KDR: variants seen among roughly 807,000 people sequenced by gnomAD.
The protein encoded by KDR is kinase insert domain receptor.
In KDR, 43 loss-of-function variants were observed where a neutral mutation model predicts 160.9. That is an observed-to-expected ratio of 0.27 (90% CI 0.21 to 0.34). KDR has a LOEUF of 0.34. KDR is among the 10% of genes least tolerant of loss of function. The probability of loss-of-function intolerance (pLI) is 1.00; values close to 1 mark genes in which losing one functional copy is unlikely to be tolerated. For missense variants in KDR, 1,469 were observed against 1,666.4 expected, an observed-to-expected ratio of 0.88 and a Z score of 2.06; for synonymous variants, 617 against 600.1, an observed-to-expected ratio of 1.03 and a Z score of -0.41.
intron 5 of KDR, 40 bp downstream of exon 5, chr4:55,114,834 G>T (rs769188055): frequency 2.0e-6 from 3 of 1,490,766 alleles, no homozygotes; most frequent in East Asian, 2.3e-5. Context: ...TTAATACAAG[G>T]ATATGTTATT....
intron 12 of KDR, 125 bp downstream of exon 12, chr4:55,105,707 C>A: frequency 1.3e-6 from 1 of 772,502 alleles, no homozygotes; most frequent in Non-Finnish European, 2.4e-6. Context: ...CATCAATGAT[C>A]AATCCAAGTC....
rs768355460 is a variant in KDR, at chr4:55,078,920, G to A, written c.*1021C>T. On this transcript the variant is annotated 3_prime_UTR_variant, in exon 30 of 30. Coordinates refer to ENST00000263923, the MANE Select transcript of KDR (RefSeq NM_002253.4). ...AATAACTAAAATACTGATGGGTTGC[G>A]GGGTGAGAGTGGGTTGGGGACAGGG... 9 of 233,236 alleles carry A rather than the reference G, an allele frequency of 3.9e-5. No homozygotes were observed. Among genetic ancestry groups the A allele is most frequent in the African/African-American group, 1.3e-4 (6 of 45,428 alleles). The allele number at this position is 233,236 out of a possible 1,614,324, so 14.4% of individuals were successfully genotyped here. A position where few individuals can be genotyped will look rare whatever the true frequency, so the allele number is the denominator to read the frequency against.
At chr4:55,114,319 C>T (rs1720679317) in intron 5 of KDR, 54 bp from the exon 6 acceptor site, 1 of 1,574,350 alleles carries the variant, frequency 6.4e-7, no homozygotes, top group Non-Finnish European at 8.7e-7. Flanking sequence ...AAGCCTATAA[C>T]TTTGCACAGA....
Position 55,080,119 on chromosome 4 carries a change from C to A in KDR, c.3893G>T (p.Gly1298Val), listed in dbSNP as rs751241917. The change falls in exon 30 of 30, where the codon GGC becomes GTC. Residue 1298 changes from glycine (G) to valine (V), a missense_variant. Physicochemically the swap from Gly to Val is moderately radical, Grantham distance 109. This residue lies in a region of KDR where 229 missense variants were observed against 197.8 expected (regional missense o/e 1.16). Coordinates refer to ENST00000263923, the MANE Select transcript of KDR (RefSeq NM_002253.4). ...SKSRESVASEGSNQTSGYQSG... is the reference protein window; with the variant it reads ...SKSRESVASEVSNQTSGYQSG... Reference sequence around the variant, plus strand: ...CTGGTAGCCGCTTGTCTGGTTTGAGCCTTCAGATGCCACAGACTCCCTGCT... The same window carrying A: ...CTGGTAGCCGCTTGTCTGGTTTGAGACTTCAGATGCCACAGACTCCCTGCT... 1 of 1,613,872 alleles carries A rather than the reference C, an allele frequency of 6.2e-7. No homozygotes were observed. Among genetic ancestry groups the A allele is most frequent in the Non-Finnish European group, 8.5e-7 (1 of 1,180,028 alleles).
chr4:55,096,118 A>G (rs1399920072), intron 19 of KDR, 111 bp downstream of exon 19: 2 of 692,208 alleles, frequency 2.9e-6, no homozygotes, highest in Non-Finnish European at 2.6e-6. Flanking sequence ...GGAATCCGCA[A>G]AGTATTCTAA....
chr4:55,111,616 C>A (rs145956485), intron 7 of KDR, among the ~76,000 whole-genome samples: 91 of 152,332 alleles, frequency 6.0e-4, no homozygotes, highest in African/African-American at 2.2e-3. Flanking sequence ...GCCCCTATTT[C>A]CCTGAAGTAT....
intron 29 of KDR, among the ~76,000 whole-genome samples, chr4:55,081,416 G>A (rs1252100208): frequency 6.6e-6 from 1 of 152,040 alleles, no homozygotes; most frequent in Non-Finnish European, 1.5e-5. Flanking sequence ...ACGTATTCAA[G>A]ACACCTACAA....
At chr4:55,123,149 A>G (rs1720938648) in intron 1 of KDR, among the ~76,000 whole-genome samples, 1 of 152,210 alleles carries the variant, frequency 6.6e-6, no homozygotes, top group Non-Finnish European at 1.5e-5. Flanking sequence ...TAAAAGCAAA[A>G]TGAAACCTGG....
In KDR at chr4:55,114,858, G is replaced by A. The variant is rs1161551427; in HGVS notation, c.658+16C>T. On this transcript the variant is annotated intron_variant, in intron 5 of 29. Transcript: ENST00000263923. ...GGATATGTTATTAATGATATGGAAA[G>A]GAAATGTCCTCTTACCTACAACGAC... The A allele has an allele frequency of 6.9e-6, 11 of 1,593,118 alleles. No individual in the cohort carries two copies. Among genetic ancestry groups the A allele is most frequent in the Non-Finnish European group, 9.5e-6 (11 of 1,161,020 alleles).
intron 27 of KDR, 72 bp from the exon 28 acceptor site, chr4:55,082,707 T>C: frequency 9.1e-7 from 1 of 1,100,666 alleles, no homozygotes; most frequent in Non-Finnish European, 1.4e-6. Context: ...AAGTTCATTA[T>C]CTTTCAACCA....
chr4:55,120,782 C>T (rs1014386482), intron 2 of KDR, among the ~76,000 whole-genome samples: 1 of 151,772 alleles, frequency 6.6e-6, no homozygotes, highest in African/African-American at 2.4e-5. Flanking sequence ...ATTTATTGAG[C>T]GTATGTCTAC....
rs1720111029 is a variant in KDR, at chr4:55,094,875, G to C, written c.2898C>G (p.Ile966Met). ...AGCTGGCTGAGCTCTGGCTACTGGT[G>C]ATGCTGTCCAAGCGCCGTTTCAGAT... ...PVDLKRRLDSITSSQSSASSG... is the reference protein window; with the variant it reads ...PVDLKRRLDSMTSSQSSASSG... Residue 966 changes from isoleucine to methionine, a missense_variant, in exon 21 of 30, where the codon ATC (isoleucine) becomes ATG (methionine). Around this residue, in one of 7 missense-constraint regions of KDR, gnomAD observed 151 missense variants for 207.2 expected, o/e 0.73. Transcript: ENST00000263923. The C allele has an allele frequency of 6.2e-7, 1 of 1,613,898 alleles. No homozygotes were observed. Among genetic ancestry groups the C allele is most frequent in the Non-Finnish European group, 8.5e-7 (1 of 1,179,832 alleles).
rs527660195 is a variant in KDR at position 55,091,709 on chromosome 4, G to A, written c.3069+908C>T. Among the ~76,000 whole-genome samples, 20 of 152,268 alleles carry A rather than the reference G, an allele frequency of 1.3e-4. No individual in the cohort carries two copies. The South Asian group carries it at 3.1e-3, about 24-fold the overall frequency. On this transcript the variant is annotated intron_variant, in intron 22 of 29. Coordinates refer to ENST00000263923, the MANE Select transcript of KDR (RefSeq NM_002253.4). ...ATTTAGGAAAAACAAAAAAAAATAT[G>A]ACTTAAGTCTTTCTTTCTTCATTAA...
rs1052043519 is a variant in KDR at position 55,089,469 on chromosome 4, A to C, written c.3309T>G (p.Ala1103=). The change falls in exon 25 of 30, where the codon GCT becomes GCG. Residue 1103 remains alanine (A), a synonymous_variant. Coordinates refer to ENST00000263923, the MANE Select transcript of KDR (RefSeq NM_002253.4). ...VLLWEIFSLG[A]SPYPGVKIDE... ...CAATCTTTACCCCAGGATATGGAGA[A>C]GCACCTAGAATAAAACAGGGAGGAG... The C allele has an allele frequency of 1.9e-6, 3 of 1,609,004 alleles. No individual in the cohort carries two copies. Among genetic ancestry groups the C allele is most frequent in the African/African-American group, 1.3e-5 (1 of 74,844 alleles).
chr4:55,079,447 TCAATCCGAATTC>T lies in KDR; in HGVS notation c.*482_*493del. 3.5e-6 allele frequency: 1 copy of T among 283,636 alleles called. No homozygotes were observed. Among genetic ancestry groups the T allele is most frequent in the Non-Finnish European group, 6.8e-6 (1 of 147,824 alleles). The allele number at this position is 283,636 out of a possible 1,614,324, so 17.6% of individuals were successfully genotyped here. A position where few individuals can be genotyped will look rare whatever the true frequency, so the allele number is the denominator to read the frequency against. ...AAGGTAACGTTAGTCTTCCTTTCTA[TCAATCCGAATTC>T]CACACTTAAGGCTTGGCTTGGGACC... is the stretch of plus-strand genomic sequence containing the variant. On this transcript the variant is annotated 3_prime_UTR_variant, in exon 30 of 30. Transcript: ENST00000263923.
chr4:55,121,412 A>G (rs1189555629), intron 1 of KDR, among the ~76,000 whole-genome samples: 1 of 152,230 alleles, frequency 6.6e-6, no homozygotes, highest in African/African-American at 2.4e-5. Flanking sequence ...CAGTTCTGCA[A>G]TTCATGGAGC....
rs762590320 is a variant in KDR at position 55,096,272 on chromosome 4, A to G, written c.2685T>C (p.His895=). 1.9e-6 allele frequency: 3 copies of G among 1,613,548 alleles called. No homozygotes were observed. In the African/African-American group the frequency reaches 4.0e-5, roughly 22 times the overall value. Residue 895 remains histidine, a synonymous_variant, in exon 19 of 30, where the codon CAT becomes CAC. Transcript: ENST00000263923. ...ELKILIHIGH[H]LNVVNLLGAC... ...CACCTAGAAGGTTGACCACATTGAG[A>G]TGGTGACCAATATGAATGAGGATCT... is the stretch of plus-strand genomic sequence containing the variant.
At chr4:55,089,905 A>T (rs1243423716) in intron 23 of KDR, 51 bp downstream of exon 23, 1 of 1,610,612 alleles carries the variant, frequency 6.2e-7, no homozygotes, top group Non-Finnish European at 8.5e-7. Flanking sequence ...CTCTACGAGG[A>T]GTTTTAATTC....
chr4:55,110,969 T>G (rs541158975), intron 7 of KDR, among the ~76,000 whole-genome samples: 1 of 152,200 alleles, frequency 6.6e-6, no homozygotes, highest in East Asian at 1.9e-4. Flanking sequence ...GTGTTTGCAT[T>G]TGCTTTTCTC....
Sources: gnomAD v4.1 joint callset for allele counts (sites outside exome capture counted in the v4.1 genomes callset) on GRCh38, gnomAD v4.1.1 for gene constraint, gnomAD v4.1.1 regional missense constraint, MANE v1.5 for transcripts, NCBI Gene and HGNC (gene_info 2026-07-23, HGNC 2026-07-21) for gene names.